The following HHATL variants were observed in gnomAD, a reference collection of about 807,000 sequenced individuals.
HHATL encodes the protein hedgehog acyltransferase like, also known as protein-cysteine N-palmitoyltransferase HHAT-like protein.
In HHATL, 49 loss-of-function variants were observed where a neutral mutation model predicts 59.7. The ratio of observed to expected loss-of-function variants is 0.82; its 90% CI spans 0.65 to 1.04. The LOEUF is 1.04. HHATL is among the 50% of genes least tolerant of loss of function. HHATL has a pLI of 0.00. For synonymous variants in HHATL, 238 were observed against 257.3 expected, an observed-to-expected ratio of 0.93 and a Z score of 0.72; for missense variants, 605 against 650.8, an observed-to-expected ratio of 0.93 and a Z score of 0.77.
At chr3:42,696,968 G>C (rs754773550) in intron 8 of HHATL, 33 bp downstream of exon 8, 2 of 1,613,152 alleles carry the variant, frequency 1.2e-6, no homozygotes, top group Admixed American at 1.7e-5. Context: ...TGGTCCCAGG[G>C]GGTGAGCCTC....
rs967530266 is a variant in HHATL at position 42,701,595 on chromosome 3, CGGGGCCAGGG to C, written c.-13-766_-13-757del. On this transcript the variant is annotated intron_variant, in intron 1 of 11. Coordinates refer to ENST00000441594, the MANE Select transcript of HHATL (RefSeq NM_020707.4). The surrounding 1 kb of genome is among the most constrained non-coding windows in gnomAD (Gnocchi z 5.1). ...GGATGTGGGGCCAGGCGGGGCCAGGCGGGGCCAGGGAGGGCACTGGCTGCTGTCCAAGGTG... is the reference window on the plus strand; with the variant it reads ...GGATGTGGGGCCAGGCGGGGCCAGGCAGGGCACTGGCTGCTGTCCAAGGTG... 1.3e-5 allele frequency: 2 copies of C among 152,472 alleles called. No homozygotes were observed. The highest frequency in any genetic ancestry group is 4.8e-5 in the African/African-American group (2 of 41,390). 9.4% of individuals were successfully genotyped at this position (152,472 alleles called of 1,614,324 possible).
rs1014740078 is a variant in HHATL, at chr3:42,701,527, C to A, written c.-13-688G>T. 1 of 152,416 alleles carries A rather than the reference C, an allele frequency of 6.6e-6. No homozygotes were observed. Among genetic ancestry groups the A allele is most frequent in the East Asian group, 1.9e-4 (1 of 5,192 alleles). 9.4% of individuals were successfully genotyped at this position (152,416 alleles called of 1,614,324 possible). ...GCTCTGTGTATTCAGGCCCTGGGCA[C>A]CAGCTGGAGGCTGTGCTATTTGAGG... On this transcript the variant is annotated intron_variant, in intron 1 of 11. Coordinates refer to ENST00000441594, the MANE Select transcript of HHATL (RefSeq NM_020707.4). This position sits in a 1 kb window ranked among gnomAD's most constrained non-coding sequence, Gnocchi z 5.1.
chr3:42,696,656 C>T (rs1697623723), intron 9 of HHATL, among the ~76,000 whole-genome samples, 186 bp downstream of exon 9: 1 of 152,172 alleles, frequency 6.6e-6, no homozygotes, highest in Non-Finnish European at 1.5e-5. Context: ...CTCTCCACCT[C>T]GAGGGCCCTC....
Position 42,698,190 on chromosome 3 carries a change from G to C in HHATL, c.645C>G (p.Pro215=), listed in dbSNP as rs755729658. 3 of 1,614,098 alleles carry C rather than the reference G, an allele frequency of 1.9e-6. No homozygotes were observed. In the African/African-American group the frequency reaches 4.0e-5, roughly 22 times the overall value. The part of the protein sequence containing the change: ...ADLLKYNFYL[P]FFFFGPIMTF... ...TCATGATGGGCCCGAAGAAGAAGAA[G>C]GGCAGGTAGAAGTTGTACTTGAGCA... Residue 215 remains proline, a synonymous_variant, in exon 6 of 12, where the codon CCC becomes CCG. Transcript: ENST00000441594.
intron 3 of HHATL, 91 bp downstream of exon 3, chr3:42,699,667 G>T: frequency 1.8e-6 from 2 of 1,116,036 alleles, no homozygotes; most frequent in Non-Finnish European, 2.6e-6. Context: ...CCAGAGCTGT[G>T]AGAAGCTCTC....
chr3:42,701,650 G>A lies in HHATL; in HGVS notation c.-13-811C>T, dbSNP rs373713006. 4 of 152,366 alleles carry A rather than the reference G, an allele frequency of 2.6e-5. No homozygotes were observed. Among genetic ancestry groups the A allele is most frequent in the Non-Finnish European group, 5.9e-5 (4 of 68,188 alleles). 9.4% of individuals were successfully genotyped at this position (152,366 alleles called of 1,614,324 possible). A position where few individuals can be genotyped will look rare whatever the true frequency, so the allele number is the denominator to read the frequency against. ...AAGGTGCTGACCAGAATCAGGCCCC[G>A]GCTGAGTCTCACCACTCCCTCCAGC... On this transcript the variant is annotated intron_variant, in intron 1 of 11. Transcript: ENST00000441594. This position sits in a 1 kb window ranked among gnomAD's most constrained non-coding sequence, Gnocchi z 5.1.
rs1052477504 is a variant in HHATL at position 42,692,752 on chromosome 3, T to C, written c.1514A>G (p.Ter505TrpextTer22). The change falls in exon 12 of 12, where the codon TAG (stop) becomes TGG (tryptophan). Residue 505 changes from the stop codon to tryptophan (W), a stop_lost. Transcript: ENST00000441594. ...EQKQDKEKPE[*>W] ...GCCCATCCCTCTACCCGCTCCCTCC[T>C]ACTCCGGCTTCTCTTTGTCCTGCTT... 1 of 1,614,206 alleles carries C rather than the reference T, an allele frequency of 6.2e-7. No individual in the cohort carries two copies.
intron 11 of HHATL, 40 bp from the exon 12 acceptor site, chr3:42,692,915 T>C: frequency 6.2e-7 from 1 of 1,600,428 alleles, no homozygotes; most frequent in Non-Finnish European, 8.6e-7. Flanking sequence ...GGAGCAGCAC[T>C]GCATCCTCAG....
At chr3:42,700,087 T>A (rs1276062562) in intron 2 of HHATL, among the ~76,000 whole-genome samples, 1 of 150,974 alleles carries the variant, frequency 6.6e-6, no homozygotes, top group Non-Finnish European at 1.5e-5. Flanking sequence ...TCTCTGTGTG[T>A]GTGTGTGTGT....
rs1698007815 is a variant in HHATL at position 42,701,813 on chromosome 3, A to G, written c.-14+766T>C. 6.6e-6 allele frequency among the ~76,000 whole-genome samples: 1 copy of G among 152,176 alleles called. No individual in the cohort carries two copies. The highest frequency in any genetic ancestry group is 1.5e-5 in the Non-Finnish European group (1 of 68,020). On this transcript the variant is annotated intron_variant, in intron 1 of 11. Coordinates refer to ENST00000441594, the MANE Select transcript of HHATL (RefSeq NM_020707.4). The surrounding 1 kb of genome is among the most constrained non-coding windows in gnomAD (Gnocchi z 5.1). ...GGATACAGACATAGGACCCAAATTA[A>G]AGGGAGGAAGCAGGGAACATGTCCA...
chr3:42,696,974 G>C (rs769679637), intron 8 of HHATL, 27 bp downstream of exon 8: 1 of 1,612,524 alleles, frequency 6.2e-7, no homozygotes, highest in Non-Finnish European at 8.5e-7. Context: ...CAGGGGGTGA[G>C]CCTCCCCCGT....
In HHATL at chr3:42,696,249, G is replaced by T. The variant is rs140780171; in HGVS notation, c.1046+593C>A. ...CCAACTACTCTTTCCAGTCCTTTCT[G>T]CTGGCTCCTTTTCCTTCCAAGCAGA... On this transcript the variant is annotated intron_variant, in intron 9 of 11. Transcript: ENST00000441594. Among the ~76,000 whole-genome samples the T allele has an allele frequency of 7.8e-3, 1,185 of 152,158 alleles. 14 individuals are homozygous for T. The highest frequency in any genetic ancestry group is 0.027 in the African/African-American group (1,120 of 41,496).
At chr3:42,696,466 G>A (rs1027532095) in intron 9 of HHATL, among the ~76,000 whole-genome samples, 1 of 152,120 alleles carries the variant, frequency 6.6e-6, no homozygotes, top group African/African-American at 2.4e-5. Flanking sequence ...CCTCCACAGG[G>A]ATGTCTCCTA....
At chr3:42,694,586 CA>C (rs1697518275) in intron 9 of HHATL, among the ~76,000 whole-genome samples, 1 of 152,182 alleles carries the variant, frequency 6.6e-6, no homozygotes, top group Non-Finnish European at 1.5e-5. Context: ...TAGAAGATCC[CA>C]AGTGGTCTGG....
chr3:42,699,758 C>T lies in HHATL; in HGVS notation c.174G>A (p.Met58Ile), dbSNP rs1021038584. Residue 58 changes from methionine to isoleucine, a missense_variant and splice_region_variant, in exon 3 of 12, where the codon ATG becomes ATA. Transcript: ENST00000441594. ...RPGWEYIGRK[M>I]DVADFEWVMW... ...GGACCCTGGGATGTGGGGGACCTAC[C>T]ATCTTCCGGCCAATGTACTCCCAGC... The T allele has an allele frequency of 6.3e-7, 1 of 1,578,060 alleles. No individual in the cohort carries two copies. The highest frequency in any genetic ancestry group is 1.3e-5 in the African/African-American group (1 of 74,172).
At chr3:42,696,431 C>T (rs1697613867) in intron 9 of HHATL, among the ~76,000 whole-genome samples, 2 of 152,150 alleles carry the variant, frequency 1.3e-5, no homozygotes, top group African/African-American at 2.4e-5. Context: ...AAACCCAGAC[C>T]CTCAGACCCA....
intron 7 of HHATL, 139 bp from the exon 8 acceptor site, chr3:42,697,284 T>C: frequency 8.3e-7 from 1 of 1,203,034 alleles, no homozygotes; most frequent in Non-Finnish European, 1.1e-6. Context: ...TGGAAATCAG[T>C]CATGCCTGGT....
At position 42,697,158 on chromosome 3, in the gene HHATL, C is replaced by T. The variant is rs1697661408; in HGVS notation, c.866-13G>A. On this transcript the variant is annotated splice_polypyrimidine_tract_variant and intron_variant, in intron 7 of 11. Transcript: ENST00000441594. The stretch of plus-strand genomic sequence containing the variant: ...TAGGCTAGGCCAGCTGGGGGCAGGG[C>T]ACTGTCACTGCCTGGGGTCCAATCG... 1 of 1,515,810 alleles carries T rather than the reference C, an allele frequency of 6.6e-7. No individual in the cohort carries two copies. Among genetic ancestry groups the T allele is most frequent in the African/African-American group, 1.4e-5 (1 of 71,752 alleles). 93.9% of individuals were successfully genotyped at this position (1,515,810 alleles called of 1,614,324 possible).
In HHATL at chr3:42,693,135, A is replaced by G. The variant is rs1697425638; in HGVS notation, c.1332T>C (p.Leu444=). 6.2e-7 allele frequency: 1 copy of G among 1,614,174 alleles called. No homozygotes were observed. The highest frequency in any genetic ancestry group is 2.2e-5 in the East Asian group (1 of 44,880). The change falls in exon 11 of 12, where the codon CTT becomes CTC. Residue 444 remains leucine, a synonymous_variant. Transcript: ENST00000441594. ...TGAATTTGAGGCTGTTCAGGCTCAC[A>G]AGGTTGTACATGATGATGGCCCAGA... is the stretch of plus-strand genomic sequence containing the variant. The part of the protein sequence containing the change: ...MNFWAIIMYN[L]VSLNSLKFTE...
Sources: allele counts gnomAD v4.1 joint callset (sites outside exome capture counted in the v4.1 genomes callset), GRCh38; gene constraint gnomAD v4.1.1; non-coding constraint Gnocchi (gnomAD v3.1); transcripts MANE v1.5; gene names NCBI Gene and HGNC (gene_info 2026-07-23, HGNC 2026-07-21).